The following CPXM2 variants were observed in gnomAD, a reference collection of about 807,000 sequenced individuals.
CPXM2 encodes carboxypeptidase X, M14 family member 2.
A neutral mutation model predicts 86.1 loss-of-function variants in CPXM2; 66 were observed. The observed-to-expected ratio is 0.77, with a 90% CI of 0.63 to 0.94. CPXM2 has a LOEUF of 0.94. Among genes scored for constraint, CPXM2 ranks in the 40% least tolerant of loss-of-function variants. The pLI, the probability that CPXM2 is intolerant of heterozygous loss-of-function variation, is 0.00. For missense variants in CPXM2, 948 were observed against 1,026.3 expected, an observed-to-expected ratio of 0.92 and a Z score of 1.04; for synonymous variants, 388 against 400.2, an observed-to-expected ratio of 0.97 and a Z score of 0.36.
At chr10:123,861,979 T>C (rs1392792753) in intron 3 of CPXM2, among the ~76,000 whole-genome samples, 1 of 152,164 alleles carries the variant, frequency 6.6e-6, no homozygotes, top group African/African-American at 2.4e-5. Flanking sequence ...GAGTCAAGAA[T>C]TGCACGGCGT....
At chr10:123,802,527 C>G (rs985975996) in intron 4 of CPXM2, among the ~76,000 whole-genome samples, 1 of 152,182 alleles carries the variant, frequency 6.6e-6, no homozygotes, top group Non-Finnish European at 1.5e-5. Context: ...AGAACAGACA[C>G]CACAATTTAT....
At chr10:123,800,026 TG>T (rs1847421759) in intron 4 of CPXM2, among the ~76,000 whole-genome samples, 1 of 148,710 alleles carries the variant, frequency 6.7e-6, no homozygotes. Context: ...ACTAGTTTTT[TG>T]GTTTTTTTTT....
intron 2 of CPXM2, among the ~76,000 whole-genome samples, chr10:123,901,958 G>A (rs1413386054): frequency 1.3e-5 from 2 of 152,194 alleles, no homozygotes; most frequent in Non-Finnish European, 2.9e-5. Context: ...CTGTTCACTG[G>A]AATGAAGTCT....
intron 2 of CPXM2, among the ~76,000 whole-genome samples, chr10:123,921,473 CA>C (rs1945579001): frequency 6.6e-6 from 1 of 152,122 alleles, no homozygotes; most frequent in African/African-American, 2.4e-5. Flanking sequence ...AAGAAAGAAA[CA>C]AAAAATACAG....
rs1848969476 is a variant in CPXM2 at position 123,865,972 on chromosome 10, T to G, written c.404-3249A>C. Among the ~76,000 whole-genome samples the G allele has an allele frequency of 6.6e-6, 1 of 151,942 alleles. No homozygotes were observed. Among genetic ancestry groups the G allele is most frequent in the Non-Finnish European group, 1.5e-5 (1 of 67,958 alleles). ...GTTTTTCTGTACTGGGCCCCACAAT[T>G]TCTCCCTCTCAGCCACTCCTCCACC... On this transcript the variant is annotated intron_variant, in intron 2 of 13. Coordinates refer to ENST00000241305, the MANE Select transcript of CPXM2 (RefSeq NM_198148.3). This position sits in a 1 kb window ranked among gnomAD's most constrained non-coding sequence, Gnocchi z 4.7.
chr10:123,913,062 C>T (rs1945503613), intron 2 of CPXM2, among the ~76,000 whole-genome samples: 1 of 152,210 alleles, frequency 6.6e-6, no homozygotes, highest in Non-Finnish European at 1.5e-5. Flanking sequence ...TGCATAGTAG[C>T]TCTTACTCTA....
intron 2 of CPXM2, among the ~76,000 whole-genome samples, chr10:123,875,199 C>A (rs928992554): frequency 6.6e-5 from 10 of 152,184 alleles, no homozygotes; most frequent in African/African-American, 2.4e-4. Context: ...GCTATAAAAT[C>A]CTTCAAAGGC....
intron 2 of CPXM2, among the ~76,000 whole-genome samples, chr10:123,922,944 G>A (rs983032236): frequency 1.3e-5 from 2 of 152,298 alleles, no homozygotes; most frequent in South Asian, 4.1e-4. Context: ...CACCTTAAAC[G>A]AGTGAACAGA....
intron 13 of CPXM2, among the ~76,000 whole-genome samples, chr10:123,753,199 C>T (rs1040488737): frequency 2.0e-5 from 3 of 152,102 alleles, no homozygotes; most frequent in Non-Finnish European, 2.9e-5. Flanking sequence ...TGTCAGTCCA[C>T]GGGGATCAGT....
chr10:123,914,281 G>A (rs1280749294), intron 2 of CPXM2, among the ~76,000 whole-genome samples: 1 of 152,132 alleles, frequency 6.6e-6, no homozygotes, highest in Non-Finnish European at 1.5e-5. Flanking sequence ...TCCCATCTGG[G>A]ATACCGGAAT....
chr10:123,798,670 C>T (rs1847386924), intron 5 of CPXM2, among the ~76,000 whole-genome samples: 1 of 152,150 alleles, frequency 6.6e-6, no homozygotes, highest in Admixed American at 6.5e-5. Flanking sequence ...CTATGTAAGA[C>T]ATTGGATACC....
intron 2 of CPXM2, among the ~76,000 whole-genome samples, chr10:123,908,509 C>T (rs1945462854): frequency 6.6e-6 from 1 of 152,164 alleles, no homozygotes; most frequent in African/African-American, 2.4e-5. Context: ...CACAAGGACT[C>T]AATCTGCAGC....
intron 2 of CPXM2, among the ~76,000 whole-genome samples, chr10:123,866,676 G>A (rs1244106962): frequency 2.0e-5 from 3 of 152,292 alleles, no homozygotes; most frequent in African/African-American, 4.8e-5. Flanking sequence ...AGGTGTGAAC[G>A]CTGCAGCTGG....
At chr10:123,796,339 A>G (rs1420806998) in intron 6 of CPXM2, among the ~76,000 whole-genome samples, 2 of 152,260 alleles carry the variant, frequency 1.3e-5, no homozygotes, top group African/African-American at 4.8e-5. Flanking sequence ...GAATCCAGTG[A>G]TTAGAAACAA....
At chr10:123,791,820 G>T (rs1388559473) in intron 6 of CPXM2, among the ~76,000 whole-genome samples, 1 of 152,204 alleles carries the variant, frequency 6.6e-6, no homozygotes, top group Non-Finnish European at 1.5e-5. Flanking sequence ...GAATTCTGGG[G>T]ACACTATTCA....
At chr10:123,772,120 C>A (rs1281578867) in intron 7 of CPXM2, among the ~76,000 whole-genome samples, 1 of 152,182 alleles carries the variant, frequency 6.6e-6, no homozygotes, top group Non-Finnish European at 1.5e-5. Flanking sequence ...CTGTGGCTAT[C>A]ACCTCCCTGG....
intron 3 of CPXM2, among the ~76,000 whole-genome samples, chr10:123,847,598 C>T (rs1321611056): frequency 6.6e-6 from 1 of 152,020 alleles, no homozygotes; most frequent in Non-Finnish European, 1.5e-5. Flanking sequence ...AGTAGCTGTG[C>T]CATCCACAGT....
At position 123,812,852 on chromosome 10, in the gene CPXM2, T is replaced by TA. The variant is rs1241928167; in HGVS notation, c.654-13654dup. ...CCATCCCCCATCCCCACCATCTGTA[T>TA]AAAAACTCTTCCATGAAACCGGTCC... On this transcript the variant is annotated intron_variant, in intron 4 of 13. Transcript: ENST00000241305. Among the ~76,000 whole-genome samples the TA allele has an allele frequency of 3.3e-5, 5 of 152,264 alleles. No homozygotes were observed. In the South Asian group the frequency reaches 8.3e-4, roughly 25 times the overall value.
chr10:123,751,382 T>G, intron 13 of CPXM2: 2 of 323,500 alleles, frequency 6.2e-6, no homozygotes, highest in Non-Finnish European at 8.9e-6. Context: ...TTCCTTTACA[T>G]TCCCTTGTTA....
Sources: gnomAD v4.1 joint callset for allele counts (sites outside exome capture counted in the v4.1 genomes callset) on GRCh38, gnomAD v4.1.1 for gene constraint, Gnocchi (gnomAD v3.1) non-coding constraint, MANE v1.5 for transcripts, NCBI Gene and HGNC (gene_info 2026-07-23, HGNC 2026-07-21) for gene names.